Variants in IL1RAP observed in about 807,000 individuals in gnomAD.
IL1RAP encodes the protein interleukin-1 receptor accessory protein.
In IL1RAP, 35 loss-of-function variants were observed where a neutral mutation model predicts 60.7. The observed-to-expected ratio is 0.58, with a 90% CI of 0.44 to 0.76. IL1RAP has a LOEUF of 0.76. Among genes scored for constraint, IL1RAP ranks in the 30% least tolerant of loss-of-function variants. The pLI, the probability that IL1RAP is intolerant of heterozygous loss-of-function variation, is 0.00. For synonymous variants in IL1RAP, 268 were observed against 250.9 expected (o/e 1.07, Z -0.64); for missense variants, 572 against 693.9 (o/e 0.82, Z 1.97).
At chr3:190,537,336 T>C (rs1250786660) in intron 1 of IL1RAP, among the ~76,000 whole-genome samples, 1 of 152,174 alleles carries the variant, frequency 6.6e-6, no homozygotes, top group Non-Finnish European at 1.5e-5. Flanking sequence ...CCACACAGCA[T>C]TGACTCAGAT....
At chr3:190,563,095 T>G (rs4687150) in intron 2 of IL1RAP, among the ~76,000 whole-genome samples, 2 of 151,906 alleles carry the variant, frequency 1.3e-5, no homozygotes, top group Admixed American at 6.6e-5. Flanking sequence ...GTAGTTTATA[T>G]CTTTTGTTAT....
chr3:190,629,714 C>A, intron 9 of IL1RAP: 31 of 1,237,210 alleles, frequency 2.5e-5, no homozygotes, highest in Middle Eastern at 3.2e-4. Flanking sequence ...CCGTAATGCC[C>A]AAATGTAGCT....
chr3:190,544,030 A>G (rs182360733), intron 1 of IL1RAP, among the ~76,000 whole-genome samples: 84 of 152,292 alleles, frequency 5.5e-4, no homozygotes, highest in African/African-American at 1.9e-3. Flanking sequence ...TAGAGAATGG[A>G]AAGAACATTT....
chr3:190,557,990 G>A (rs984600961), intron 2 of IL1RAP, among the ~76,000 whole-genome samples: 2 of 152,002 alleles, frequency 1.3e-5, no homozygotes, highest in African/African-American at 4.8e-5. Context: ...GGTCACTCCA[G>A]TTCTGTCTTT....
At position 190,629,360 on chromosome 3, in the gene IL1RAP, A is replaced by G. The variant is rs1410970238; in HGVS notation, c.913A>G (p.Ser305Gly). The G allele has an allele frequency of 6.2e-7, 1 of 1,606,536 alleles. No individual in the cohort carries two copies. Among genetic ancestry groups the G allele is most frequent in the Admixed American group, 1.7e-5 (1 of 59,248 alleles). The change falls in exon 9 of 12, where the codon AGT becomes GGT. Residue 305 changes from serine (S) to glycine (G), a missense_variant. Transcript: ENST00000447382. ...TCTCTCTATTTCTAGTATAAGTCAT[A>G]GTAGAACAGAAGATGAAACAAGAAC... ...DVTINESISH[S>G]RTEDETRTQI...
intron 1 of IL1RAP, among the ~76,000 whole-genome samples, chr3:190,540,827 C>T (rs1723869909): frequency 1.3e-5 from 2 of 152,014 alleles, no homozygotes; most frequent in Non-Finnish European, 2.9e-5. Context: ...ACAGGTAATC[C>T]ACTAAGAGAT....
At chr3:190,615,404 G>C in intron 5 of IL1RAP, 1 of 755,178 alleles carries the variant, frequency 1.3e-6, no homozygotes, top group Non-Finnish European at 2.0e-6. Flanking sequence ...GATTAATTTA[G>C]AGTCTTTGGC....
downstream of IL1RAP, chr3:190,655,926 C>T (rs757762883): frequency 1.0e-5 from 16 of 1,537,320 alleles, no homozygotes; most frequent in Non-Finnish European, 1.4e-5. Context: ...TTCAGAGAAG[C>T]AGAAGGATGA....
intron 3 of IL1RAP, among the ~76,000 whole-genome samples, chr3:190,575,627 G>A (rs2108659895): frequency 6.6e-6 from 1 of 152,320 alleles, no homozygotes; most frequent in South Asian, 2.1e-4. Flanking sequence ...AAAGAAACAT[G>A]CGACGAAGAG....
intron 3 of IL1RAP, among the ~76,000 whole-genome samples, chr3:190,577,908 C>A (rs1727638527): frequency 6.6e-6 from 1 of 152,076 alleles, no homozygotes; most frequent in African/African-American, 2.4e-5. Context: ...TTATTTCTGC[C>A]CCTTTTAAAA....
downstream of IL1RAP, chr3:190,655,757 A>ATC: frequency 4.4e-6 from 3 of 685,584 alleles, no homozygotes; most frequent in Non-Finnish European, 4.8e-6. Context: ...TGACTGGGTA[A>ATC]ATTATTCAGC....
At chr3:190,656,718 C>T in exon 12 of IL1RAP, 2 of 647,408 alleles carry the variant, frequency 3.1e-6, no homozygotes, top group Non-Finnish European at 5.0e-6. Context: ...GATTTCTGTC[C>T]CCTTTATTGA....
chr3:190,632,547 C>T (rs1732877324), intron 9 of IL1RAP, among the ~76,000 whole-genome samples: 1 of 152,176 alleles, frequency 6.6e-6, no homozygotes, highest in Admixed American at 6.5e-5. Flanking sequence ...AATATTATCA[C>T]CCAGTTTGTG....
intron 9 of IL1RAP, among the ~76,000 whole-genome samples, chr3:190,635,552 G>T (rs571036513): frequency 6.6e-6 from 1 of 151,948 alleles, no homozygotes; most frequent in Admixed American, 6.6e-5. Flanking sequence ...TCGAGTTTTT[G>T]TTATTATTAA....
chr3:190,584,373 A>G (rs1728265190), intron 3 of IL1RAP, among the ~76,000 whole-genome samples: 2 of 152,216 alleles, frequency 1.3e-5, no homozygotes, highest in African/African-American at 4.8e-5. Context: ...TTTGTTACCT[A>G]GGACTGATAT....
intron 3 of IL1RAP, among the ~76,000 whole-genome samples, chr3:190,589,651 G>A (rs1728773218): frequency 6.6e-6 from 1 of 152,142 alleles, no homozygotes; most frequent in African/African-American, 2.4e-5. Context: ...CTTTGACTTT[G>A]TAATTTTGCG....
At chr3:190,615,245 T>C (rs1731163940) in intron 5 of IL1RAP, 9 of 999,258 alleles carry the variant, frequency 9.0e-6, no homozygotes, top group Middle Eastern at 2.8e-4. Context: ...TTACAGAATT[T>C]CAAACAGCTG....
chr3:190,579,215 C>T (rs922849220), intron 3 of IL1RAP, among the ~76,000 whole-genome samples: 1 of 152,206 alleles, frequency 6.6e-6, no homozygotes, highest in Non-Finnish European at 1.5e-5. Context: ...ATTAATACTT[C>T]TTCCTTCAAC....
At chr3:190,601,613 G>T (rs183506026) in intron 3 of IL1RAP, among the ~76,000 whole-genome samples, 2,129 of 152,340 alleles carry the variant, frequency 0.014, 38 homozygotes, top group African/African-American at 0.04. Flanking sequence ...CAAGTGAGTT[G>T]TTTTGCCAGT....
Sources: gnomAD v4.1 joint callset for allele counts (sites outside exome capture counted in the v4.1 genomes callset) on GRCh38, gnomAD v4.1.1 for gene constraint, MANE v1.5 for transcripts, NCBI Gene and HGNC (gene_info 2026-07-23, HGNC 2026-07-21) for gene names.